The following TRAPPC10 variants were observed in gnomAD, a reference collection of about 807,000 sequenced individuals.
The protein encoded by TRAPPC10 is trafficking protein particle complex subunit 10.
Under a neutral mutation model 125.5 loss-of-function variants are expected in TRAPPC10, and 23 were observed. That is an observed-to-expected ratio of 0.18 (90% confidence interval 0.13 to 0.26). The LOEUF (loss-of-function observed/expected upper bound fraction) is 0.26, where lower values mean the gene tolerates loss of function less well. Ranked by LOEUF, TRAPPC10 falls within the 10% of genes least tolerant of loss-of-function variation. The pLI is 1.00. For synonymous variants in TRAPPC10, 509 were observed against 518.0 expected, an observed-to-expected ratio of 0.98 and a Z score of 0.24; for missense variants, 1,123 against 1,308.4, an observed-to-expected ratio of 0.86 and a Z score of 2.19.
chr21:44,086,059 A>C (rs1024972251), intron 15 of TRAPPC10, among the ~76,000 whole-genome samples: 4 of 152,244 alleles, frequency 2.6e-5, no homozygotes, highest in African/African-American at 9.6e-5. Context: ...CTCTCCAGTG[A>C]TTCTTCCATT....
intron 7 of TRAPPC10, among the ~76,000 whole-genome samples, chr21:44,072,985 G>A (rs1177167566): frequency 1.3e-5 from 2 of 152,186 alleles, no homozygotes; most frequent in Non-Finnish European, 2.9e-5. Flanking sequence ...GGAGGGACAC[G>A]CTCTGTCCAG....
At chr21:44,037,951 A>T in intron 3 of TRAPPC10, 24 bp downstream of exon 3, 2 of 1,610,108 alleles carry the variant, frequency 1.2e-6, no homozygotes, top group South Asian at 2.2e-5. Context: ...GGGGAAGAGG[A>T]TGCGCGGTGG....
chr21:44,061,339 C>T (rs1360444569), intron 6 of TRAPPC10, among the ~76,000 whole-genome samples: 1 of 152,076 alleles, frequency 6.6e-6, no homozygotes, highest in Non-Finnish European at 1.5e-5. Context: ...CGGGGTTTCA[C>T]CGTGTTAGCC....
At chr21:44,019,637 C>A (rs901195434) in intron 1 of TRAPPC10, among the ~76,000 whole-genome samples, 1 of 152,120 alleles carries the variant, frequency 6.6e-6, no homozygotes, top group South Asian at 2.1e-4. Context: ...TATATAGGGC[C>A]TGCCTGGATA....
At chr21:44,089,737 G>A (rs1000224188) in intron 17 of TRAPPC10, 96 bp from the exon 18 acceptor site, 53 of 848,218 alleles carry the variant, frequency 6.2e-5, no homozygotes, top group Non-Finnish European at 4.2e-5. Context: ...TGTCTAGGGC[G>A]TGGGCGGGCA....
At chr21:44,045,718 A>AT (rs982116279) in intron 3 of TRAPPC10, among the ~76,000 whole-genome samples, 7 of 151,318 alleles carry the variant, frequency 4.6e-5, no homozygotes, top group Middle Eastern at 3.4e-3. Flanking sequence ...TGCCCAGCTA[A>AT]TTTTTTTTGT....
Position 44,074,443 on chromosome 21 carries a change from G to C in TRAPPC10, c.1158G>C (p.Val386=). The C allele has an allele frequency of 6.2e-7, 1 of 1,614,214 alleles. No homozygotes were observed. The highest frequency in any genetic ancestry group is 8.5e-7 in the Non-Finnish European group (1 of 1,180,034). ...TCGACTCAAACATTGCCCACACTGTGGGGCTATGGAGCTATGCCACAGAAA... is the reference window on the plus strand; with the variant it reads ...TCGACTCAAACATTGCCCACACTGTCGGGCTATGGAGCTATGCCACAGAAA... ...AQIDSNIAHT[V]GLWSYATEKL... The change falls in exon 8 of 23, where the codon GTG becomes GTC. Residue 386 remains valine (V), a synonymous_variant. Transcript: ENST00000291574.
intron 2 of TRAPPC10, among the ~76,000 whole-genome samples, chr21:44,036,539 A>G (rs549846293): frequency 6.6e-6 from 1 of 152,340 alleles, no homozygotes; most frequent in South Asian, 2.1e-4. Context: ...TGTCTACCCC[A>G]GAGTCCCATT....
At chr21:44,074,046 TAA>T (rs1163399339) in intron 7 of TRAPPC10, among the ~76,000 whole-genome samples, 2 of 152,214 alleles carry the variant, frequency 1.3e-5, no homozygotes, top group African/African-American at 4.8e-5. Context: ...TTTTTCTTAA[TAA>T]GGTTTTCAAA....
chr21:44,094,063 C>T lies in TRAPPC10; in HGVS notation c.2998C>T (p.Pro1000Ser). 1 of 1,612,426 alleles carries T rather than the reference C, an allele frequency of 6.2e-7. No homozygotes were observed. The change falls in exon 20 of 23, where the codon CCC (proline) becomes TCC (serine). Residue 1000 changes from proline to serine, a missense_variant and splice_region_variant. Around this residue, in one of 4 missense-constraint regions of TRAPPC10, gnomAD observed 840 missense variants for 902.0 expected, o/e 0.93. Transcript: ENST00000291574. ...CAGTGACCCCCAACTCTCTTTCCAGCCCATCTACAGCAAGCAGTCGGTGTT... is the reference window on the plus strand; with the variant it reads ...CAGTGACCCCCAACTCTCTTTCCAGTCCATCTACAGCAAGCAGTCGGTGTT... ...LVPLNTQSQQ[P>S]IYSKQSVFFV...
Position 44,087,061 on chromosome 21 carries a change from C to T in TRAPPC10, c.2539+101C>T. The T allele has an allele frequency of 7.2e-7, 1 of 1,382,266 alleles. No individual in the cohort carries two copies. The highest frequency in any genetic ancestry group is 9.9e-7 in the Non-Finnish European group (1 of 1,008,352). 85.6% of individuals were successfully genotyped at this position (1,382,266 alleles called of 1,614,324 possible). On this transcript the variant is annotated intron_variant, in intron 16 of 22. Coordinates refer to ENST00000291574, the MANE Select transcript of TRAPPC10 (RefSeq NM_003274.5). The surrounding 1 kb of genome is among the most constrained non-coding windows in gnomAD (Gnocchi z 4.6). ...GCCTTGCTGCCATCCTGCTGAGCGC[C>T]CCTCAACAGTGTCTGGAGTCCGTGT... is the stretch of plus-strand genomic sequence containing the variant.
At chr21:44,090,009 C>A in intron 18 of TRAPPC10, 76 bp downstream of exon 18, 1 of 1,205,328 alleles carries the variant, frequency 8.3e-7, no homozygotes, top group Non-Finnish European at 1.2e-6. Context: ...ATGTTCAAAA[C>A]TGGCCTTCGT....
Position 44,087,341 on chromosome 21 carries a change from C to T in TRAPPC10, c.2540-358C>T, listed in dbSNP as rs1369259344. ...AGAGCCCTGAGCACTCCCATCCTCC[C>T]AGCCACGAGGAAGGGGAAGGGGAGG... On this transcript the variant is annotated intron_variant, in intron 16 of 22. Coordinates refer to ENST00000291574, the MANE Select transcript of TRAPPC10 (RefSeq NM_003274.5). This position sits in a 1 kb window ranked among gnomAD's most constrained non-coding sequence, Gnocchi z 4.6. 6.6e-6 allele frequency among the ~76,000 whole-genome samples: 1 copy of T among 152,140 alleles called. No homozygotes were observed. The highest frequency in any genetic ancestry group is 1.5e-5 in the Non-Finnish European group (1 of 68,018).
chr21:44,082,328 T>A lies in TRAPPC10; in HGVS notation c.1724-460T>A, dbSNP rs2037813874. Among the ~76,000 whole-genome samples the A allele has an allele frequency of 6.6e-6, 1 of 152,198 alleles. No individual in the cohort carries two copies. The highest frequency in any genetic ancestry group is 1.5e-5 in the Non-Finnish European group (1 of 68,032). ...CCTGGGGGCACAGAGGGGTCCTGCTTAATCGGCTGACTTTGTAGACTGGCA... is the reference window on the plus strand; with the variant it reads ...CCTGGGGGCACAGAGGGGTCCTGCTAAATCGGCTGACTTTGTAGACTGGCA... On this transcript the variant is annotated intron_variant, in intron 13 of 22. Transcript: ENST00000291574. The surrounding 1 kb of genome is among the most constrained non-coding windows in gnomAD (Gnocchi z 4.4).
Position 44,087,731 on chromosome 21 carries a change from T to C in TRAPPC10, c.2572T>C (p.Ser858Pro). The change falls in exon 17 of 23, where the codon TCC becomes CCC. Residue 858 changes from serine (S) to proline (P), a missense_variant. Transcript: ENST00000291574. The surrounding 1 kb of genome is among the most constrained non-coding windows in gnomAD (Gnocchi z 4.6). ...TTCTGAGGCCGCGCTCCGGATTCAG[T>C]CCTCCGACAAGGTCACGAGCATCAG... ...QSSEAALRIQ[S>P]SDKVTSISLP... 6.2e-7 allele frequency: 1 copy of C among 1,614,086 alleles called. No individual in the cohort carries two copies. The highest frequency in any genetic ancestry group is 8.5e-7 in the Non-Finnish European group (1 of 1,180,048).
Position 44,083,080 on chromosome 21 carries a change from C to T in TRAPPC10, c.2016C>T (p.Pro672=), listed in dbSNP as rs780923450. Residue 672 remains proline (P), a synonymous_variant, in exon 14 of 23, where the codon CCC becomes CCT. Coordinates refer to ENST00000291574, the MANE Select transcript of TRAPPC10 (RefSeq NM_003274.5). ...TCCCTGTATCCCAAAACAGTTTGCC[C>T]GCGCTGGAGTTGTATGAAATGTTTG... The part of the protein sequence containing the change: ...APFPVSQNSL[P]ALELYEMFER... 3.8e-5 allele frequency: 62 copies of T among 1,613,898 alleles called. 1 individual carries two copies. Among genetic ancestry groups the T allele is most frequent in the South Asian group, 2.7e-4 (25 of 91,064 alleles).
chr21:44,055,948 C>G, intron 5 of TRAPPC10, 55 bp downstream of exon 5: 1 of 1,411,438 alleles, frequency 7.1e-7, no homozygotes, highest in East Asian at 2.3e-5. Flanking sequence ...CTCCTTTGTT[C>G]CCTCCCTCTC....
chr21:44,062,456 T>C, intron 6 of TRAPPC10: 2 of 738,824 alleles, frequency 2.7e-6, no homozygotes, highest in Non-Finnish European at 3.3e-6. Flanking sequence ...GGAGCTTAGA[T>C]AGGGCACTGG....
chr21:44,091,840 G>C, intron 18 of TRAPPC10, 83 bp from the exon 19 acceptor site: 1 of 1,347,356 alleles, frequency 7.4e-7, no homozygotes, highest in Non-Finnish European at 1.0e-6. Flanking sequence ...TCCCCAGGCA[G>C]AGAGGGTCTC....
Sources: gnomAD v4.1 joint callset for allele counts (sites outside exome capture counted in the v4.1 genomes callset) on GRCh38, gnomAD v4.1.1 for gene constraint, gnomAD v4.1.1 regional missense constraint, Gnocchi (gnomAD v3.1) non-coding constraint, MANE v1.5 for transcripts, NCBI Gene and HGNC (gene_info 2026-07-23, HGNC 2026-07-21) for gene names.